NEB: variants seen among roughly 807,000 people sequenced by gnomAD.
The protein encoded by NEB is nebulin.
In NEB, 512 loss-of-function variants were observed where a neutral mutation model predicts 952.2. The observed-to-expected ratio is 0.54, with a 90% confidence interval of 0.50 to 0.58. The LOEUF is 0.58. NEB is among the 20% of genes least tolerant of loss of function. NEB has a pLI of 0.00. For missense variants in NEB, 8,428 were observed against 9,231.1 expected (o/e 0.91, Z 3.56); for synonymous variants, 2,900 against 3,149.8 (o/e 0.92, Z 2.66).
At chr2:151,674,805 A>C (rs772972242) in intron 35 of NEB, among the ~76,000 whole-genome samples, 2 of 152,180 alleles carry the variant, frequency 1.3e-5, no homozygotes, top group Non-Finnish European at 2.9e-5. Context: ...TGAAGAGAGG[A>C]ATATTGAAAG....
chr2:151,491,767 C>CA lies in NEB; in HGVS notation c.25065dup (p.Val8356CysfsTer5). 1 of 1,586,200 alleles carries CA rather than the reference C, an allele frequency of 6.3e-7. No individual in the cohort carries two copies. Among genetic ancestry groups the CA allele is most frequent in the Non-Finnish European group, 8.6e-7 (1 of 1,165,076 alleles). ...ACCGAACCAGGATTAGTACGCCAGA[C>CA]ACGTAAACCTGAAAGGGAAACCAGT... On this transcript the variant is annotated frameshift_variant, in exon 179 of 182. Coordinates refer to ENST00000397345, the MANE Select transcript of NEB (RefSeq NM_001164508.2). LOFTEE classifies it high-confidence loss of function.
At chr2:151,709,942 G>T (rs1310500257) in intron 11 of NEB, among the ~76,000 whole-genome samples, 179 bp from the exon 12 acceptor site, 2 of 152,196 alleles carry the variant, frequency 1.3e-5, no homozygotes. Flanking sequence ...ACTTAACAGA[G>T]ATTTAGAACA....
rs746015217 is a variant in NEB, at chr2:151,627,037, C to T, written c.10312G>A (p.Val3438Met). 6.2e-7 allele frequency: 1 copy of T among 1,613,816 alleles called. No homozygotes were observed. The highest frequency in any genetic ancestry group is 8.5e-7 in the Non-Finnish European group (1 of 1,179,874). The change falls in exon 70 of 182, where the codon GTG (valine) becomes ATG (methionine). Residue 3438 changes from valine to methionine, a missense_variant. Transcript: ENST00000397345. ...FTSVTDSLEQVLAKNNALNMN... is the reference protein window; with the variant it reads ...FTSVTDSLEQMLAKNNALNMN... ...TTGAGAGCATTGTTCTTGGCCAGCA[C>T]CTGCTCTAGAGAGTCAGTCACACTG...
intron 5 of NEB, among the ~76,000 whole-genome samples, chr2:151,727,397 T>C (rs562328283): frequency 6.6e-6 from 1 of 152,328 alleles, no homozygotes; most frequent in African/African-American, 2.4e-5. Flanking sequence ...TATTTATGAT[T>C]TCATTATTCT....
intron 124 of NEB, among the ~76,000 whole-genome samples, chr2:151,558,125 G>A (rs1215599316): frequency 1.1e-4 from 16 of 152,128 alleles, no homozygotes; most frequent in Non-Finnish European, 1.9e-4. Context: ...AAACCCAACC[G>A]TCTCAGCCCA....
Position 151,568,138 on chromosome 2 carries a change from C to T in NEB, c.17777G>A (p.Gly5926Asp), listed in dbSNP as rs765496108. 2.2e-5 allele frequency: 36 copies of T among 1,613,570 alleles called. 2 individuals are homozygous for T. In the South Asian group the frequency reaches 3.7e-4, roughly 17 times the overall value. The part of the protein sequence containing the change: ...KEGWERQKAT[G>D]YILPPDAVPF... ...CACAGCATCTGGAGGCAAAATGTAA[C>T]CTGTGGCTTTTTGTCTCTCCCAGCC... is the stretch of plus-strand genomic sequence containing the variant. The change falls in exon 113 of 182, where the codon GGT (glycine) becomes GAT (aspartate). Residue 5926 changes from glycine to aspartate, a missense_variant. Transcript: ENST00000397345.
chr2:151,676,710 C>A (rs72863283), intron 34 of NEB, among the ~76,000 whole-genome samples: 27,977 of 152,124 alleles, frequency 0.18, 3,291 homozygotes, highest in Admixed American at 0.32. Flanking sequence ...CTCTGGTAGG[C>A]AGTTACCTGT....
Position 151,631,221 on chromosome 2 carries a change from C to T in NEB, c.9540G>A (p.Pro3180=), listed in dbSNP as rs373833313. ...TCACACTGGTAAATTTCAGCTTGTC[C>T]GGAGGCTGGCGGTAGATGTTATCAC... ...ILSDNIYRQP[P]DKLKFTSVTD... Residue 3180 remains proline (P), a synonymous_variant, in exon 66 of 182, where the codon CCG becomes CCA. Coordinates refer to ENST00000397345, the MANE Select transcript of NEB (RefSeq NM_001164508.2). 15 of 1,613,756 alleles carry T rather than the reference C, an allele frequency of 9.3e-6. No homozygotes were observed. The highest frequency in any genetic ancestry group is 6.7e-5 in the East Asian group (3 of 44,880).
intron 52 of NEB, among the ~76,000 whole-genome samples, chr2:151,653,456 A>G (rs1376912078): frequency 6.6e-6 from 1 of 152,190 alleles, no homozygotes; most frequent in Non-Finnish European, 1.5e-5. Context: ...CAGAAAGAAG[A>G]GTTAAGTAAG....
chr2:151,678,681 G>C (rs2099391887), intron 32 of NEB, among the ~76,000 whole-genome samples: 1 of 152,078 alleles, frequency 6.6e-6, no homozygotes, highest in Non-Finnish European at 1.5e-5. Context: ...AGCCAGGAGG[G>C]GGTAAACACT....
In NEB at chr2:151,666,278, T is replaced by A. The variant is rs1237432906; in HGVS notation, c.4843A>T (p.Lys1615Ter). 3.1e-6 allele frequency: 5 copies of A among 1,613,982 alleles called. No homozygotes were observed. Among genetic ancestry groups the A allele is most frequent in the Non-Finnish European group, 4.2e-6 (5 of 1,179,870 alleles). ...GTCTTGCTGGCTTCATAGCCCTTTT[T>A]GTACTCACGATCAGACTGGATTTTG... is the stretch of plus-strand genomic sequence containing the variant. ...VAKIQSDREY[K>*]KGYEASKTKY... The change falls in exon 41 of 182, where the codon AAA (lysine) becomes TAA (stop). Residue 1615 changes from lysine to a stop codon, truncating the protein, a stop_gained. Coordinates refer to ENST00000397345, the MANE Select transcript of NEB (RefSeq NM_001164508.2). LOFTEE classifies it high-confidence loss of function.
intron 67 of NEB, 25 bp downstream of exon 67, chr2:151,630,690 T>C: frequency 1.3e-6 from 2 of 1,544,154 alleles, no homozygotes; most frequent in Middle Eastern, 1.7e-4. Flanking sequence ...CACCACAATA[T>C]AGCACCACAG....
Position 151,729,749 on chromosome 2 carries a change from C to T in NEB, c.37-93G>A, listed in dbSNP as rs534643907. The T allele has an allele frequency of 4.1e-5, 53 of 1,307,568 alleles. No individual in the cohort carries two copies. In the Admixed American group the frequency reaches 9.0e-4, roughly 22 times the overall value. The allele number at this position is 1,307,568 out of a possible 1,614,324, so 81.0% of individuals were successfully genotyped here. A position where few individuals can be genotyped will look rare whatever the true frequency, so the allele number is the denominator to read the frequency against. On this transcript the variant is annotated intron_variant, in intron 3 of 181. Coordinates refer to ENST00000397345, the MANE Select transcript of NEB (RefSeq NM_001164508.2). ...TGAACCACTTAGGTGACTGCACTAG[C>T]TCGGTTGATTTGGAATGTCTGTGGG... is the stretch of plus-strand genomic sequence containing the variant.
rs145632757 is a variant in NEB at position 151,666,151 on chromosome 2, G to A, written c.4970C>T (p.Thr1657Ile). Residue 1657 changes from threonine (T) to isoleucine (I), a missense_variant, in exon 41 of 182, where the codon ACT becomes ATT. By Grantham distance (89) the Thr-to-Ile change is moderately conservative. Transcript: ENST00000397345. ...CACATTCAAGGCATCGGGCAGGAGA[G>A]TGTAGTGGTGGTATGACTGTCTGTA... ...ANYRQSYHHY[T>I]LLPDALNVEH... 3 of 1,613,970 alleles carry A rather than the reference G, an allele frequency of 1.9e-6. No individual in the cohort carries two copies. Among genetic ancestry groups the A allele is most frequent in the East Asian group, 4.5e-5 (2 of 44,886 alleles).
intron 161 of NEB, among the ~76,000 whole-genome samples, chr2:151,511,738 A>G (rs2074515911): frequency 6.6e-6 from 1 of 152,152 alleles, no homozygotes; most frequent in African/African-American, 2.4e-5. Context: ...ACTTTTCTTC[A>G]TCTCTCTATT....
chr2:151,666,087 T>G lies in NEB; in HGVS notation c.5031+3A>C. 6.2e-7 allele frequency: 1 copy of G among 1,609,826 alleles called. No individual in the cohort carries two copies. ...GGATAACAACTTGGTAACCAGTACA[T>G]ACATCACTCTGAATCTGCATGGCAT... On this transcript the variant is annotated splice_donor_region_variant and intron_variant, in intron 41 of 181. Coordinates refer to ENST00000397345, the MANE Select transcript of NEB (RefSeq NM_001164508.2).
Position 151,679,727 on chromosome 2 carries a change from C to T in NEB, c.3249G>A (p.Ala1083=), listed in dbSNP as rs901066301. ...TGACCACAGCTGGACTTACGTCACT[C>T]GCCGCCTGCCTGGCAGCTTTGGCAG... is the stretch of plus-strand genomic sequence containing the variant. The part of the protein sequence containing the change: ...IRAAKAARQA[A]SDVQYKKDYE... Residue 1083 remains alanine, a synonymous_variant, in exon 32 of 182, where the codon GCG becomes GCA. Coordinates refer to ENST00000397345, the MANE Select transcript of NEB (RefSeq NM_001164508.2). 2.9e-6 allele frequency: 4 copies of T among 1,378,476 alleles called. No individual in the cohort carries two copies. The highest frequency in any genetic ancestry group is 2.9e-6 in the Non-Finnish European group (3 of 1,030,546). 85.4% of individuals were successfully genotyped at this position (1,378,476 alleles called of 1,614,324 possible). A position where few individuals can be genotyped will look rare whatever the true frequency, so the allele number is the denominator to read the frequency against.
intron 126 of NEB, 52 bp downstream of exon 126, chr2:151,553,776 T>TGGGGCCGTGGGGC: frequency 2.0e-6 from 3 of 1,510,828 alleles, no homozygotes; most frequent in Non-Finnish European, 2.7e-6. Flanking sequence ...GCCTTCTGGG[T>TGGGGCCGTGGGGC]GGGGCCGTGG....
chr2:151,642,432 A>G lies in NEB; in HGVS notation c.8373+142T>C, dbSNP rs1003282061. 4 of 697,784 alleles carry G rather than the reference A, an allele frequency of 5.7e-6. No individual in the cohort carries two copies. The Admixed American group carries it at 9.0e-5, about 16-fold the overall frequency. The allele number at this position is 697,784 out of a possible 1,614,324, so 43.2% of individuals were successfully genotyped here. A position where few individuals can be genotyped will look rare whatever the true frequency, so the allele number is the denominator to read the frequency against. ...CCTTTCTGTTGATAACTCTATTACCATTATTTTAAACCATTCATCGAAACA... is the reference window on the plus strand; with the variant it reads ...CCTTTCTGTTGATAACTCTATTACCGTTATTTTAAACCATTCATCGAAACA... On this transcript the variant is annotated intron_variant, in intron 60 of 181. Transcript: ENST00000397345.
Sources: gnomAD v4.1 joint callset for allele counts (sites outside exome capture counted in the v4.1 genomes callset) on GRCh38, gnomAD v4.1.1 for gene constraint, MANE v1.5 for transcripts, NCBI Gene and HGNC (gene_info 2026-07-23, HGNC 2026-07-21) for gene names.